NTM: variants seen among roughly 807,000 people sequenced by gnomAD.
NTM encodes the protein IgLON family member 2.
In NTM, 13 loss-of-function variants were observed where a neutral mutation model predicts 42.1. That is an observed-to-expected ratio of 0.31 (90% confidence interval 0.20 to 0.49). The LOEUF is 0.49. Among genes scored for constraint, NTM ranks in the 20% least tolerant of loss-of-function variants. The probability of loss-of-function intolerance (pLI) is 0.99; values close to 1 mark genes in which losing one functional copy is unlikely to be tolerated. For synonymous variants in NTM, 187 were observed against 179.2 expected (o/e 1.04, Z -0.35); for missense variants, 373 against 452.8 (o/e 0.82, Z 1.60).
intron 1 of NTM, among the ~76,000 whole-genome samples, chr11:131,849,591 G>A (rs1057485004): frequency 1.2e-4 from 18 of 152,080 alleles, no homozygotes; most frequent in Non-Finnish European, 2.1e-4. Context: ...CAGCACTGGG[G>A]ATTACAACTC....
At chr11:132,152,040 T>C (rs1222387082) in intron 3 of NTM, among the ~76,000 whole-genome samples, 1 of 152,252 alleles carries the variant, frequency 6.6e-6, no homozygotes, top group Non-Finnish European at 1.5e-5. Flanking sequence ...CTCATTATTA[T>C]GATTCAGAGA....
intron 2 of NTM, among the ~76,000 whole-genome samples, chr11:131,923,446 G>A (rs1343905388): frequency 1.3e-5 from 2 of 152,214 alleles, no homozygotes; most frequent in African/African-American, 4.8e-5. Context: ...GGGATTGGGT[G>A]TTATTAAACA....
At chr11:131,542,055 T>C (rs1461905531) in intron 1 of NTM, among the ~76,000 whole-genome samples, 2 of 152,178 alleles carry the variant, frequency 1.3e-5, no homozygotes. Flanking sequence ...AGGCACCAGA[T>C]CTAGAGGGTT....
At chr11:131,495,269 G>A (rs924955647) in intron 1 of NTM, among the ~76,000 whole-genome samples, 8 of 152,220 alleles carry the variant, frequency 5.3e-5, no homozygotes, top group East Asian at 3.9e-4. Flanking sequence ...TCCTGCTGTC[G>A]GTAGTCCTCT....
At chr11:132,158,609 G>T (rs951347923) in intron 3 of NTM, among the ~76,000 whole-genome samples, 1 of 152,198 alleles carries the variant, frequency 6.6e-6, no homozygotes, top group African/African-American at 2.4e-5. Context: ...TGCATAGTAG[G>T]CACTCTGTAA....
chr11:131,548,801 CA>C (rs2054278362), intron 1 of NTM, among the ~76,000 whole-genome samples: 1 of 152,174 alleles, frequency 6.6e-6, no homozygotes, highest in African/African-American at 2.4e-5. Context: ...AACAAGCCCA[CA>C]GCAAACTTCC....
At chr11:131,731,750 G>A (rs965528333) in intron 1 of NTM, among the ~76,000 whole-genome samples, 3 of 152,134 alleles carry the variant, frequency 2.0e-5, no homozygotes, top group East Asian at 1.9e-4. Context: ...TGGACTCCAC[G>A]GCTCAGTTCA....
chr11:131,856,939 T>C (rs2136909767), intron 1 of NTM, among the ~76,000 whole-genome samples: 1 of 152,316 alleles, frequency 6.6e-6, no homozygotes, highest in Admixed American at 6.5e-5. Flanking sequence ...CAGGTATACA[T>C]TTGCAATCCT....
At chr11:131,946,852 A>C (rs576093993) in intron 2 of NTM, among the ~76,000 whole-genome samples, 1 of 152,336 alleles carries the variant, frequency 6.6e-6, no homozygotes, top group African/African-American at 2.4e-5. Flanking sequence ...ATTTATGTGC[A>C]TATTATTTCT....
intron 1 of NTM, chr11:131,534,276 T>G (rs2051773124): frequency 6.6e-6 from 1 of 152,170 alleles, no homozygotes; most frequent in African/African-American, 2.4e-5. Context: ...GGGAGCAGCC[T>G]CTCTAGAGTT....
At chr11:132,023,478 C>A (rs1402132238) in intron 2 of NTM, among the ~76,000 whole-genome samples, 5 of 152,130 alleles carry the variant, frequency 3.3e-5, no homozygotes, top group African/African-American at 1.2e-4. Flanking sequence ...AGGTGTTGAC[C>A]CTGGCTGCAG....
chr11:131,771,119 A>G lies in NTM; in HGVS notation c.83-140445A>G, dbSNP rs546315199. 9.2e-5 allele frequency: 14 copies of G among 152,314 alleles called. No individual in the cohort carries two copies. The South Asian group carries it at 2.9e-3, about 32-fold the overall frequency. 9.4% of individuals were successfully genotyped at this position (152,314 alleles called of 1,614,324 possible). ...ACACCACAACCGTAAAACTTATAAA[A>G]AAAAAGTTCGGCCATAAAAAAAATA... On this transcript the variant is annotated intron_variant, in intron 1 of 8. Coordinates refer to ENST00000683400, the MANE Select transcript of NTM (RefSeq NM_001352005.2).
intron 4 of NTM, among the ~76,000 whole-genome samples, chr11:132,230,703 G>A (rs1346337044): frequency 6.6e-6 from 1 of 152,234 alleles, no homozygotes; most frequent in African/African-American, 2.4e-5. Context: ...GGTAACTCAT[G>A]TAAATGCATG....
chr11:132,244,170 T>C (rs1321001069), intron 4 of NTM, among the ~76,000 whole-genome samples: 1 of 152,142 alleles, frequency 6.6e-6, no homozygotes. Flanking sequence ...CGCTGATCAG[T>C]GCTCAGTGTA....
At chr11:131,531,934 G>T (rs75171936) in intron 1 of NTM, among the ~76,000 whole-genome samples, 1 of 152,186 alleles carries the variant, frequency 6.6e-6, no homozygotes, top group African/African-American at 2.4e-5. Context: ...CATTTCAAGT[G>T]CAGGGATTCC....
At chr11:131,696,371 T>C (rs2075443078) in intron 1 of NTM, among the ~76,000 whole-genome samples, 1 of 152,084 alleles carries the variant, frequency 6.6e-6, no homozygotes, top group Non-Finnish European at 1.5e-5. Context: ...CTGGGAGACA[T>C]GAGTTACACC....
intron 1 of NTM, among the ~76,000 whole-genome samples, chr11:131,884,415 G>GA (rs980556325): frequency 8.7e-5 from 13 of 149,390 alleles, no homozygotes; most frequent in East Asian, 1.9e-4. Flanking sequence ...ATCTCAAAAA[G>GA]AAAAAAAAAG....
intron 2 of NTM, among the ~76,000 whole-genome samples, chr11:132,112,102 C>T (rs1566192042): frequency 6.6e-6 from 1 of 152,190 alleles, no homozygotes; most frequent in Non-Finnish European, 1.5e-5. Flanking sequence ...ATTTCCCCAT[C>T]TCTCTCTTCT....
At chr11:132,121,070 A>T (rs1309901844) in intron 2 of NTM, among the ~76,000 whole-genome samples, 1 of 152,196 alleles carries the variant, frequency 6.6e-6, no homozygotes, top group African/African-American at 2.4e-5. Context: ...CTCTCCTCAA[A>T]GTTTGCAGTG....
Sources: allele counts gnomAD v4.1 joint callset (sites outside exome capture counted in the v4.1 genomes callset), GRCh38; gene constraint gnomAD v4.1.1; transcripts MANE v1.5; gene names NCBI Gene and HGNC (gene_info 2026-07-23, HGNC 2026-07-21).